Variants in GALNT13 observed in about 807,000 individuals in gnomAD.
The protein encoded by GALNT13 is UDP-GalNAc:polypeptide N-acetylgalactosaminyltransferase 13.
GALNT13 carries 28 observed loss-of-function variants against 64.2 expected under a neutral mutation model. The ratio of observed to expected loss-of-function variants is 0.44; its 90% CI spans 0.32 to 0.60. The LOEUF is 0.60. GALNT13 is among the 20% of genes least tolerant of loss of function. The probability of loss-of-function intolerance (pLI) is 0.05; values close to 1 mark genes in which losing one functional copy is unlikely to be tolerated. For missense variants in GALNT13, 577 were observed against 669.8 expected (o/e 0.86, Z 1.53); for synonymous variants, 214 against 224.6 (o/e 0.95, Z 0.42).
the GALNT13 span, among the ~76,000 whole-genome samples, chr2:153,279,608 A>G: frequency 1.3e-5 from 2 of 151,900 alleles, no homozygotes; most frequent in East Asian, 3.9e-4. Flanking sequence ...TTTCTTGTCT[A>G]TTGAGAGAAT....
intron 3 of GALNT13, among the ~76,000 whole-genome samples, chr2:154,055,287 A>G (rs1699839877): frequency 6.6e-6 from 1 of 152,032 alleles, no homozygotes; most frequent in Non-Finnish European, 1.5e-5. Context: ...GTTTTCCAAC[A>G]TGTAGTTCTT....
chr2:153,778,419 A>G, the GALNT13 span, among the ~76,000 whole-genome samples: 1 of 152,150 alleles, frequency 6.6e-6, no homozygotes, highest in Non-Finnish European at 1.5e-5. Context: ...TCTACCCAGT[A>G]CTTCCCTTCA....
intron 4 of GALNT13, among the ~76,000 whole-genome samples, chr2:154,216,939 C>T (rs1379480126): frequency 6.7e-6 from 1 of 150,192 alleles, no homozygotes; most frequent in African/African-American, 2.5e-5. Flanking sequence ...GAGGCATGGA[C>T]CACCACATCA....
At chr2:153,986,039 A>G (rs1176788974) in intron 3 of GALNT13, among the ~76,000 whole-genome samples, 1 of 152,068 alleles carries the variant, frequency 6.6e-6, no homozygotes, top group Non-Finnish European at 1.5e-5. Context: ...AAATTGCTAG[A>G]TAGTATTATC....
At chr2:154,088,407 T>C (rs147853967) in intron 3 of GALNT13, among the ~76,000 whole-genome samples, 102 of 152,272 alleles carry the variant, frequency 6.7e-4, no homozygotes, top group African/African-American at 2.3e-3. Context: ...ATCCAGCTAA[T>C]CATTTCTATA....
At chr2:153,124,994 C>T in the GALNT13 span, among the ~76,000 whole-genome samples, 1 of 152,062 alleles carries the variant, frequency 6.6e-6, no homozygotes, top group Non-Finnish European at 1.5e-5. Context: ...ATAGCTTGCC[C>T]AAGTAAGATT....
the GALNT13 span, among the ~76,000 whole-genome samples, chr2:153,124,343 T>A: frequency 6.6e-6 from 1 of 152,216 alleles, no homozygotes; most frequent in Non-Finnish European, 1.5e-5. Context: ...ATAATAAATG[T>A]TGTTTTAAGC....
the GALNT13 span, among the ~76,000 whole-genome samples, chr2:153,638,213 T>C: frequency 2.0e-5 from 3 of 152,136 alleles, no homozygotes; most frequent in African/African-American, 7.2e-5. Context: ...ATTTGGCATC[T>C]TATATATCAT....
At chr2:153,359,630 CAAAAAAAAAAAAAAAA>C in the GALNT13 span, among the ~76,000 whole-genome samples, 16 of 38,242 alleles carry the variant, frequency 4.2e-4, no homozygotes, top group South Asian at 4.0e-3. Context: ...CAGCTTTCAG[CAAAAAAAAAAAAAAAA>C]AAAAAAAAAA....
the GALNT13 span, among the ~76,000 whole-genome samples, chr2:153,297,413 G>C: frequency 6.6e-6 from 1 of 152,114 alleles, no homozygotes; most frequent in East Asian, 1.9e-4. Flanking sequence ...CATTTATAAA[G>C]AGAAAACTGG....
chr2:153,084,390 G>C, the GALNT13 span, among the ~76,000 whole-genome samples: 1 of 152,094 alleles, frequency 6.6e-6, no homozygotes, highest in Admixed American at 6.6e-5. Context: ...GTTTCCATTT[G>C]TTTATGTCAT....
chr2:153,856,445 C>G, the GALNT13 span, among the ~76,000 whole-genome samples: 1 of 152,066 alleles, frequency 6.6e-6, no homozygotes, highest in African/African-American at 2.4e-5. Flanking sequence ...CTGCAAACAA[C>G]CAACATTAAA....
intron 3 of GALNT13, among the ~76,000 whole-genome samples, chr2:153,971,731 A>G (rs1021727151): frequency 3.3e-5 from 5 of 152,264 alleles, no homozygotes; most frequent in African/African-American, 1.2e-4. Flanking sequence ...ATAAAAATGC[A>G]TGCATTCTTA....
At chr2:153,397,911 A>AT in the GALNT13 span, among the ~76,000 whole-genome samples, 47 of 151,814 alleles carry the variant, frequency 3.1e-4, no homozygotes, top group Non-Finnish European at 5.0e-4. Flanking sequence ...AGGTGAACAG[A>AT]TTTTTTTTAA....
chr2:153,435,198 G>C, the GALNT13 span, among the ~76,000 whole-genome samples: 158 of 152,012 alleles, frequency 1.0e-3, 2 homozygotes, highest in Non-Finnish European at 1.0e-4. Context: ...TATCTGCTTT[G>C]GTACCAGTAC....
At chr2:153,462,736 T>C in the GALNT13 span, among the ~76,000 whole-genome samples, 18 of 152,220 alleles carry the variant, frequency 1.2e-4, no homozygotes, top group African/African-American at 4.3e-4. Context: ...AATTGAAACT[T>C]TGTCACTGTT....
the GALNT13 span, among the ~76,000 whole-genome samples, chr2:153,332,824 G>A: frequency 1.4e-4 from 22 of 152,284 alleles, no homozygotes; most frequent in Admixed American, 2.6e-4. Flanking sequence ...CTGCTTTAGG[G>A]TGAAGCAAAG....
the GALNT13 span, among the ~76,000 whole-genome samples, chr2:153,496,430 A>C: frequency 6.6e-6 from 1 of 152,208 alleles, no homozygotes. Flanking sequence ...TTTGAATTGC[A>C]CTGCATAGAA....
At chr2:153,997,808 G>A (rs1172935130) in intron 3 of GALNT13, among the ~76,000 whole-genome samples, 11 of 151,908 alleles carry the variant, frequency 7.2e-5, no homozygotes, top group Admixed American at 1.3e-4. Context: ...CCGAGCCCCC[G>A]ACAGACCCTG....
Sources: allele counts gnomAD v4.1 joint callset (sites outside exome capture counted in the v4.1 genomes callset), GRCh38; gene constraint gnomAD v4.1.1; transcripts MANE v1.5; gene names NCBI Gene and HGNC (gene_info 2026-07-23, HGNC 2026-07-21).